Variants in FRAS1 observed in about 807,000 individuals in gnomAD.
FRAS1 encodes extracellular matrix organizing protein FRAS1.
FRAS1 carries 290 observed loss-of-function variants against 435.2 expected under a neutral mutation model. That is an observed-to-expected ratio of 0.67 (90% confidence interval 0.61 to 0.73). The LOEUF (loss-of-function observed/expected upper bound fraction) is 0.73, where lower values mean the gene tolerates loss of function less well. Ranked by LOEUF, FRAS1 falls within the 30% of genes least tolerant of loss-of-function variation. The pLI is 0.00. For synonymous variants in FRAS1, 1,800 were observed against 1,851.0 expected (o/e 0.97, Z 0.71); for missense variants, 4,860 against 5,001.5 (o/e 0.97, Z 0.85).
intron 22 of FRAS1, among the ~76,000 whole-genome samples, chr4:78,367,662 G>T (rs1261263632): frequency 6.6e-6 from 1 of 151,610 alleles, no homozygotes; most frequent in Non-Finnish European, 1.5e-5. Flanking sequence ...TATAGGAACT[G>T]CTATCTAAGC....
Position 78,237,576 on chromosome 4 carries a change from A to C in FRAS1, c.175A>C (p.Lys59Gln). 1 of 1,612,580 alleles carries C rather than the reference A, an allele frequency of 6.2e-7. No individual in the cohort carries two copies. The highest frequency in any genetic ancestry group is 8.5e-7 in the Non-Finnish European group (1 of 1,179,108). Residue 59 changes from lysine (K) to glutamine (Q), a missense_variant, in exon 3 of 74, where the codon AAA becomes CAA. Transcript: ENST00000512123. ...TTGCCATGGTGATATTGTTATCTGC[A>C]AACCTGCTGTTTGCAGAAACCCTCA... Reference protein sequence around the residue: ...CRCHGDIVICKPAVCRNPQCA... With the variant: ...CRCHGDIVICQPAVCRNPQCA...
intron 2 of FRAS1, among the ~76,000 whole-genome samples, chr4:78,187,016 T>C (rs1578174000): frequency 6.6e-6 from 1 of 152,224 alleles, no homozygotes; most frequent in East Asian, 1.9e-4. Flanking sequence ...AGGGAATGCA[T>C]GCATGGATGA....
At chr4:78,100,715 G>A (rs1434072685) in intron 2 of FRAS1, among the ~76,000 whole-genome samples, 1 of 152,102 alleles carries the variant, frequency 6.6e-6, no homozygotes, top group Non-Finnish European at 1.5e-5. Flanking sequence ...AAAATTATGT[G>A]GCAGATCCTG....
intron 49 of FRAS1, 82 bp from the exon 50 acceptor site, chr4:78,466,125 CT>C: frequency 9.0e-7 from 1 of 1,111,428 alleles, no homozygotes; most frequent in Non-Finnish European, 1.3e-6. Flanking sequence ...TTCTACTACC[CT>C]TGATCAGCAA....
At chr4:78,115,511 G>T (rs971587462) in intron 2 of FRAS1, among the ~76,000 whole-genome samples, 1 of 152,166 alleles carries the variant, frequency 6.6e-6, no homozygotes, top group Non-Finnish European at 1.5e-5. Flanking sequence ...TTCAGAGCCT[G>T]TTATTGATCT....
At chr4:78,462,135 C>T (rs763687745) in intron 47 of FRAS1, among the ~76,000 whole-genome samples, 4 of 152,098 alleles carry the variant, frequency 2.6e-5, no homozygotes, top group Admixed American at 6.6e-5. Flanking sequence ...TTTGGGAGGC[C>T]GAGGCAGGCG....
At chr4:78,239,990 CTT>C in intron 3 of FRAS1, among the ~76,000 whole-genome samples, 1 of 152,098 alleles carries the variant, frequency 6.6e-6, no homozygotes, top group African/African-American at 2.4e-5. Context: ...TTTACTGTCT[CTT>C]TTATTCTCTG....
chr4:78,537,203 A>G lies in FRAS1; in HGVS notation c.11298+3A>G. The G allele has an allele frequency of 1.2e-6, 2 of 1,613,186 alleles. No homozygotes were observed. The highest frequency in any genetic ancestry group is 1.7e-6 in the Non-Finnish European group (2 of 1,179,438). ...TAAAACACAGATTCCTGCTGTTGGT[A>G]TGCTAAGTTCTCACTATTAGTGTTA... is the stretch of plus-strand genomic sequence containing the variant. On this transcript the variant is annotated splice_donor_region_variant and intron_variant, in intron 72 of 73. Coordinates refer to ENST00000512123, the MANE Select transcript of FRAS1 (RefSeq NM_025074.7).
At position 78,473,601 on chromosome 4, in the gene FRAS1, C is replaced by A. The variant is rs370303512; in HGVS notation, c.7682+4C>A. 8.4e-5 allele frequency: 132 copies of A among 1,576,544 alleles called. No homozygotes were observed. Among genetic ancestry groups the A allele is most frequent in the Admixed American group, 1.8e-4 (10 of 57,082 alleles). ...TCATCAGCTTTAAATATACCAGGTA[C>A]AAGTTTTACTGTGCTTTCCTTCTTG... On this transcript the variant is annotated splice_donor_region_variant and intron_variant, in intron 53 of 73. Coordinates refer to ENST00000512123, the MANE Select transcript of FRAS1 (RefSeq NM_025074.7).
intron 22 of FRAS1, among the ~76,000 whole-genome samples, chr4:78,365,904 G>A (rs570787394): frequency 1.2e-4 from 18 of 151,766 alleles, no homozygotes; most frequent in African/African-American, 4.1e-4. Context: ...GGCGGAGGCT[G>A]CAGTGAGCTG....
At position 78,057,399 on chromosome 4, in the gene FRAS1, C is replaced by T. The variant is rs1739512547; in HGVS notation, c.-611C>T. Among the ~76,000 whole-genome samples the T allele has an allele frequency of 6.6e-6, 1 of 152,140 alleles. No homozygotes were observed. The highest frequency in any genetic ancestry group is 1.5e-5 in the Non-Finnish European group (1 of 68,032). On this transcript the variant is annotated 5_prime_UTR_variant, in exon 1 of 74. Coordinates refer to ENST00000512123, the MANE Select transcript of FRAS1 (RefSeq NM_025074.7). The surrounding 1 kb of genome is among the most constrained non-coding windows in gnomAD (Gnocchi z 4.2). ...GGTGTGGTGCGGTGCGGCTGCAGGG[C>T]GGGCGAGTCCCCGGAGCTGCCCTCA...
At chr4:78,446,933 G>A (rs922274534) in intron 43 of FRAS1, 53 bp downstream of exon 43, 9 of 1,502,408 alleles carry the variant, frequency 6.0e-6, no homozygotes, top group Non-Finnish European at 7.2e-6. Context: ...CCGATGGGCT[G>A]TTAGAATAAA....
chr4:78,497,276 T>G (rs973162487), intron 60 of FRAS1, among the ~76,000 whole-genome samples: 1 of 152,128 alleles, frequency 6.6e-6, no homozygotes, highest in Non-Finnish European at 1.5e-5. Context: ...GGAGCAGGAT[T>G]GGAAATACAG....
At chr4:78,480,568 T>A (rs1719983251) in intron 56 of FRAS1, among the ~76,000 whole-genome samples, 1 of 152,144 alleles carries the variant, frequency 6.6e-6, no homozygotes, top group African/African-American at 2.4e-5. Context: ...AAGTATTTAG[T>A]GTACTGCTAG....
At chr4:78,167,949 T>C (rs1048657112) in intron 2 of FRAS1, among the ~76,000 whole-genome samples, 20 of 152,202 alleles carry the variant, frequency 1.3e-4, no homozygotes, top group African/African-American at 4.8e-4. Flanking sequence ...TCCATTGCCT[T>C]CTTATATAAT....
intron 32 of FRAS1, among the ~76,000 whole-genome samples, chr4:78,416,210 G>T (rs549667534): frequency 1.8e-4 from 27 of 152,314 alleles, no homozygotes; most frequent in Middle Eastern, 3.4e-3. Context: ...AAAACTGCAT[G>T]ATTCTGCTTA....
At chr4:78,362,846 C>T (rs577714433) in intron 20 of FRAS1, among the ~76,000 whole-genome samples, 1 of 131,112 alleles carries the variant, frequency 7.6e-6, no homozygotes, top group South Asian at 2.4e-4. Context: ...TGTCTCCCCT[C>T]TACTGACTGA....
intron 2 of FRAS1, chr4:78,181,412 T>A (rs1411343604): frequency 6.2e-7 from 1 of 1,611,914 alleles, no homozygotes; most frequent in Non-Finnish European, 8.5e-7. Context: ...TTTGTCCTCG[T>A]GCTTCAGGCC....
chr4:78,368,001 T>C (rs11934756), intron 22 of FRAS1, among the ~76,000 whole-genome samples: 25,434 of 152,016 alleles, frequency 0.17, 2,722 homozygotes, highest in East Asian at 0.33. Context: ...TTGCTGATCA[T>C]ATTTTGAGTA....
Sources: gnomAD v4.1 joint callset for allele counts (sites outside exome capture counted in the v4.1 genomes callset) on GRCh38, gnomAD v4.1.1 for gene constraint, Gnocchi (gnomAD v3.1) non-coding constraint, MANE v1.5 for transcripts, NCBI Gene and HGNC (gene_info 2026-07-23, HGNC 2026-07-21) for gene names.